PALLD: variants seen among roughly 807,000 people sequenced by gnomAD.
PALLD encodes palladin, cytoskeletal associated protein, also known as palladin.
A neutral mutation model predicts 123.5 loss-of-function variants in PALLD; 61 were observed. That is an observed-to-expected ratio of 0.49 (90% CI 0.40 to 0.61). The LOEUF (loss-of-function observed/expected upper bound fraction) is 0.61, where lower values mean the gene tolerates loss of function less well. Among genes scored for constraint, PALLD ranks in the 20% least tolerant of loss-of-function variants. The pLI is 0.00. For synonymous variants in PALLD, 465 were observed against 496.4 expected, an observed-to-expected ratio of 0.94 and a Z score of 0.84; for missense variants, 1,273 against 1,377.0, an observed-to-expected ratio of 0.92 and a Z score of 1.20.
At chr4:168,663,470 G>A (rs183773598) in intron 2 of PALLD, among the ~76,000 whole-genome samples, 65 of 152,258 alleles carry the variant, frequency 4.3e-4, no homozygotes, top group Middle Eastern at 6.8e-3. Context: ...CTGGCCCTGG[G>A]TTGATGTGGG....
chr4:168,647,659 T>G (rs1777601929), intron 2 of PALLD, among the ~76,000 whole-genome samples: 2 of 151,612 alleles, frequency 1.3e-5, no homozygotes, highest in Non-Finnish European at 2.9e-5. Context: ...TGCACACCTG[T>G]AATCTCAGCT....
At chr4:168,750,238 C>T (rs893292772) in intron 10 of PALLD, among the ~76,000 whole-genome samples, 9 of 152,156 alleles carry the variant, frequency 5.9e-5, no homozygotes, top group Non-Finnish European at 8.8e-5. Context: ...TGAACCAATG[C>T]GCCTGGCCAG....
At chr4:168,779,337 A>G (rs993610116) in intron 10 of PALLD, among the ~76,000 whole-genome samples, 1 of 152,322 alleles carries the variant, frequency 6.6e-6, no homozygotes, top group Non-Finnish European at 1.5e-5. Flanking sequence ...TATTAGAAAC[A>G]TGAAATTACT....
chr4:168,837,011 C>T (rs978715845), intron 10 of PALLD, among the ~76,000 whole-genome samples: 1 of 152,168 alleles, frequency 6.6e-6, no homozygotes, highest in African/African-American at 2.4e-5. Context: ...AAAAGGGACT[C>T]CACCTTCTCT....
At chr4:168,889,282 A>G (rs1581925650) in intron 10 of PALLD, among the ~76,000 whole-genome samples, 1 of 147,522 alleles carries the variant, frequency 6.8e-6, no homozygotes, top group African/African-American at 2.5e-5. Context: ...TCATACCCCA[A>G]CCTCCCAAGT....
intron 2 of PALLD, among the ~76,000 whole-genome samples, chr4:168,538,999 A>G (rs1561223832): frequency 6.6e-6 from 1 of 152,202 alleles, no homozygotes; most frequent in Non-Finnish European, 1.5e-5. Context: ...GGCGTGAAAA[A>G]CAGGCATTTC....
intron 1 of PALLD, among the ~76,000 whole-genome samples, chr4:168,507,862 T>C (rs1270114045): frequency 6.6e-6 from 1 of 152,202 alleles, no homozygotes; most frequent in Non-Finnish European, 1.5e-5. Context: ...TAGATTTCTG[T>C]TTAGCTGAAA....
intron 2 of PALLD, among the ~76,000 whole-genome samples, chr4:168,524,502 G>T (rs565432016): frequency 2.6e-5 from 4 of 152,160 alleles, no homozygotes; most frequent in African/African-American, 9.6e-5. Context: ...GTATATATGG[G>T]GCACATGAGA....
intron 2 of PALLD, among the ~76,000 whole-genome samples, chr4:168,519,719 TGA>T (rs1336359283): frequency 1.3e-5 from 2 of 152,012 alleles, no homozygotes; most frequent in African/African-American, 4.8e-5. Context: ...TTAGGACTAG[TGA>T]GAGGGAATTT....
At chr4:168,503,295 T>C (rs1169036452) in intron 1 of PALLD, among the ~76,000 whole-genome samples, 3 of 152,150 alleles carry the variant, frequency 2.0e-5, no homozygotes, top group East Asian at 1.9e-4. Flanking sequence ...GGGGAACTGT[T>C]AGAAAGCACC....
At chr4:168,756,398 T>G (rs956236155) in intron 10 of PALLD, 2 of 190,702 alleles carry the variant, frequency 1.0e-5, no homozygotes, top group African/African-American at 4.7e-5. Context: ...ATCTAAGAGT[T>G]GTACAGCTAC....
intron 10 of PALLD, among the ~76,000 whole-genome samples, chr4:168,747,128 G>T (rs1398920578): frequency 6.6e-6 from 1 of 152,188 alleles, no homozygotes; most frequent in East Asian, 1.9e-4. Context: ...TACACAATAG[G>T]TACCTAAAAG....
At chr4:168,922,615 A>G (rs544863616) in intron 18 of PALLD, among the ~76,000 whole-genome samples, 1 of 152,222 alleles carries the variant, frequency 6.6e-6, no homozygotes, top group East Asian at 1.9e-4. Context: ...AGTCTTGACA[A>G]AACTCTTGGA....
intron 2 of PALLD, among the ~76,000 whole-genome samples, chr4:168,546,720 T>C (rs1357523618): frequency 6.6e-6 from 1 of 152,194 alleles, no homozygotes; most frequent in Non-Finnish European, 1.5e-5. Flanking sequence ...GGTTTGTCAC[T>C]GTCCCACTTA....
chr4:168,603,945 C>T (rs988617363), intron 2 of PALLD, among the ~76,000 whole-genome samples: 1 of 152,168 alleles, frequency 6.6e-6, no homozygotes, highest in Non-Finnish European at 1.5e-5. Context: ...CAGCATTTCC[C>T]AAACATACTT....
intron 2 of PALLD, among the ~76,000 whole-genome samples, chr4:168,662,452 A>G (rs968935701): frequency 6.6e-6 from 1 of 152,226 alleles, no homozygotes; most frequent in Admixed American, 6.5e-5. Context: ...GTAGCCTTAA[A>G]CAGCTGTGCT....
intron 10 of PALLD, among the ~76,000 whole-genome samples, chr4:168,720,003 A>T (rs1785831774): frequency 2.0e-5 from 3 of 152,108 alleles, no homozygotes; most frequent in Admixed American, 6.5e-5. Context: ...GGTTGATTCC[A>T]TGTCTGTGCT....
Position 168,926,212 on chromosome 4 carries a change from G to T in PALLD, c.*33-1G>T. The stretch of plus-strand genomic sequence containing the variant: ...TCTTAATTTACTCTTTTTCTTTGTA[G>T]CCCAGTGGCATCAGCAGTCACAGAG... On this transcript the variant is annotated splice_acceptor_variant, in intron 21 of 21. Transcript: ENST00000505667. LOFTEE classifies it low-confidence loss of function (3UTR_SPLICE). The T allele has an allele frequency of 6.6e-7, 1 of 1,524,974 alleles. No homozygotes were observed. Among genetic ancestry groups the T allele is most frequent in the Non-Finnish European group, 8.8e-7 (1 of 1,140,210 alleles). 94.5% of individuals were successfully genotyped at this position (1,524,974 alleles called of 1,614,324 possible).
chr4:168,631,810 G>T (rs991745776), intron 2 of PALLD: 1 of 985,500 alleles, frequency 1.0e-6, no homozygotes, highest in African/African-American at 1.7e-5. Flanking sequence ...TCAGAGCCCA[G>T]AAGTTGCAAG....
Sources: gnomAD v4.1 joint callset for allele counts (sites outside exome capture counted in the v4.1 genomes callset) on GRCh38, gnomAD v4.1.1 for gene constraint, MANE v1.5 for transcripts, NCBI Gene and HGNC (gene_info 2026-07-23, HGNC 2026-07-21) for gene names.